The following SRGAP3 variants were observed in gnomAD, a reference collection of about 807,000 sequenced individuals.
The protein encoded by SRGAP3 is SLIT-ROBO Rho GTPase-activating protein 3.
In SRGAP3, 39 loss-of-function variants were observed where a neutral mutation model predicts 121.1. That is an observed-to-expected ratio of 0.32 (90% CI 0.25 to 0.42). The LOEUF is 0.42. Among genes scored for constraint, SRGAP3 ranks in the 10% least tolerant of loss-of-function variants. The pLI is 1.00. For missense variants in SRGAP3, 1,213 were observed against 1,470.6 expected (o/e 0.82, Z 2.86); for synonymous variants, 601 against 570.0 (o/e 1.05, Z -0.77).
At chr3:9,037,185 T>C (rs1315627954) in intron 11 of SRGAP3, 1 of 152,214 alleles carries the variant, frequency 6.6e-6, no homozygotes, top group Non-Finnish European at 1.5e-5. Flanking sequence ...CTCAGGTCCC[T>C]GGGCCCAGAA....
intron 11 of SRGAP3, chr3:9,033,978 T>TGGGATCA (rs1236524934): frequency 2.0e-5 from 3 of 152,312 alleles, no homozygotes; most frequent in African/African-American, 7.2e-5. Context: ...ACCTTTGCCA[T>TGGGATCA]GGGATCAGGT....
intron 3 of SRGAP3, among the ~76,000 whole-genome samples, chr3:9,082,177 G>T (rs539725097): frequency 6.6e-6 from 1 of 152,272 alleles, no homozygotes; most frequent in Non-Finnish European, 1.5e-5. Context: ...TGAAATGCCT[G>T]CTCCACCCTC....
intron 18 of SRGAP3, among the ~76,000 whole-genome samples, chr3:8,999,846 G>A (rs1200295259): frequency 6.6e-6 from 1 of 152,024 alleles, no homozygotes; most frequent in Non-Finnish European, 1.5e-5. Context: ...AGCATGAAGA[G>A]CTCCCCAGGG....
chr3:9,140,122 T>TACACAC (rs35572227), intron 1 of SRGAP3, among the ~76,000 whole-genome samples: 2,722 of 140,100 alleles, frequency 0.019, 83 homozygotes, highest in African/African-American at 0.063. Flanking sequence ...CTCAGAGGCA[T>TACACAC]ACACACACAC....
intron 1 of SRGAP3, among the ~76,000 whole-genome samples, chr3:9,172,942 G>A (rs1299806480): frequency 6.6e-6 from 1 of 152,230 alleles, no homozygotes; most frequent in African/African-American, 2.4e-5. Context: ...CAGGCAGGAA[G>A]GCCAGAGGGA....
chr3:9,225,988 G>T (rs1340782841), intron 1 of SRGAP3, among the ~76,000 whole-genome samples: 1 of 152,178 alleles, frequency 6.6e-6, no homozygotes, highest in Non-Finnish European at 1.5e-5. Flanking sequence ...AAAAGACACA[G>T]TACAGGCCAA....
At chr3:9,340,497 A>G (rs1265655966) in intron 1 of SRGAP3, among the ~76,000 whole-genome samples, 1 of 152,118 alleles carries the variant, frequency 6.6e-6, no homozygotes, top group Non-Finnish European at 1.5e-5. Flanking sequence ...GGCTTTATAA[A>G]CCCCAGTAAT....
At position 9,317,618 on chromosome 3, in the gene SRGAP3, G is replaced by T. The variant is rs140315539; in HGVS notation, n.442+8392C>A. On this transcript the variant is annotated intron_variant and non_coding_transcript_variant, in intron 3 of 3. Transcript: ENST00000490889. ...GTTGGCTATTTAAATCTAAGAATAA[G>T]TCTGAGAAACTGAGAGTGTAAGAAG... 2.0e-5 allele frequency among the ~76,000 whole-genome samples: 3 copies of T among 152,372 alleles called. No homozygotes were observed. The East Asian group carries it at 5.8e-4, about 29-fold the overall frequency.
At chr3:9,155,188 G>A (rs1950373589) in intron 1 of SRGAP3, among the ~76,000 whole-genome samples, 1 of 152,068 alleles carries the variant, frequency 6.6e-6, no homozygotes, top group African/African-American at 2.4e-5. Context: ...TGGAGTTCTG[G>A]CTGACAGTTA....
At chr3:9,036,714 G>C (rs1195666130) in intron 11 of SRGAP3, 1 of 152,206 alleles carries the variant, frequency 6.6e-6, no homozygotes, top group East Asian at 1.9e-4. Context: ...TAGGAATTAG[G>C]AGGAAGTGAG....
intron 10 of SRGAP3, among the ~76,000 whole-genome samples, chr3:9,041,009 C>G (rs752995205): frequency 6.6e-6 from 1 of 152,190 alleles, no homozygotes; most frequent in African/African-American, 2.4e-5. Flanking sequence ...ATATGCTCAA[C>G]AAATATTTGT....
chr3:9,234,890 C>T (rs988118688), intron 1 of SRGAP3, among the ~76,000 whole-genome samples: 2 of 152,164 alleles, frequency 1.3e-5, no homozygotes, highest in African/African-American at 4.8e-5. Context: ...CAAGCCTCTC[C>T]CTTTAGCACT....
At chr3:9,212,987 C>T (rs963111739) in intron 1 of SRGAP3, among the ~76,000 whole-genome samples, 1 of 152,196 alleles carries the variant, frequency 6.6e-6, no homozygotes, top group Non-Finnish European at 1.5e-5. Context: ...GAAAAGATTC[C>T]CATTTCCCCC....
intron 2 of SRGAP3, among the ~76,000 whole-genome samples, chr3:9,118,265 C>G (rs1277744982): frequency 6.6e-6 from 1 of 151,888 alleles, no homozygotes; most frequent in Non-Finnish European, 1.5e-5. Context: ...CCTCCTCTTC[C>G]TCTCTCTCTC....
intron 1 of SRGAP3, among the ~76,000 whole-genome samples, chr3:9,346,589 C>A (rs1337885894): frequency 2.0e-5 from 3 of 152,012 alleles, no homozygotes; most frequent in Non-Finnish European, 4.4e-5. Flanking sequence ...TGTTCAAGAA[C>A]TGATGGTCTA....
At chr3:9,101,176 T>A (rs1380038223) in intron 3 of SRGAP3, among the ~76,000 whole-genome samples, 1 of 152,200 alleles carries the variant, frequency 6.6e-6, no homozygotes, top group Non-Finnish European at 1.5e-5. Flanking sequence ...CGTTCTTTAT[T>A]GAGGGACATC....
At chr3:9,095,401 G>T (rs943218870) in intron 3 of SRGAP3, among the ~76,000 whole-genome samples, 1 of 152,036 alleles carries the variant, frequency 6.6e-6, no homozygotes, top group Non-Finnish European at 1.5e-5. Context: ...TCTTTCCAAA[G>T]TCTTGAAGTG....
intron 18 of SRGAP3, among the ~76,000 whole-genome samples, chr3:9,003,597 A>G (rs1285443961): frequency 6.6e-6 from 1 of 152,258 alleles, no homozygotes; most frequent in African/African-American, 2.4e-5. Flanking sequence ...AATTGGTTTA[A>G]CATCTAAAAA....
intron 1 of SRGAP3, among the ~76,000 whole-genome samples, chr3:9,241,808 T>C (rs1311740385): frequency 6.6e-6 from 1 of 152,072 alleles, no homozygotes; most frequent in Non-Finnish European, 1.5e-5. Flanking sequence ...CCAGGCAAAG[T>C]GGCTCACTCC....
Sources: gnomAD v4.1 joint callset for allele counts (sites outside exome capture counted in the v4.1 genomes callset) on GRCh38, gnomAD v4.1.1 for gene constraint, MANE v1.5 for transcripts, NCBI Gene and HGNC (gene_info 2026-07-23, HGNC 2026-07-21) for gene names.